PRKCI: variants seen among roughly 807,000 people sequenced by gnomAD.
PRKCI encodes the protein protein kinase C iota type.
Under a neutral mutation model 84.0 loss-of-function variants are expected in PRKCI, and 43 were observed. The observed-to-expected ratio is 0.51, with a 90% CI of 0.40 to 0.66. The LOEUF is 0.66. Among genes scored for constraint, PRKCI ranks in the 30% least tolerant of loss-of-function variants. The probability of loss-of-function intolerance (pLI) is 0.00; values close to 1 mark genes in which losing one functional copy is unlikely to be tolerated. For synonymous variants in PRKCI, 216 were observed against 234.4 expected (o/e 0.92, Z 0.72); for missense variants, 459 against 745.6 (o/e 0.62, Z 4.48).
chr3:170,300,932 G>A (rs1734804061), intron 17 of PRKCI, among the ~76,000 whole-genome samples: 1 of 152,076 alleles, frequency 6.6e-6, no homozygotes, highest in African/African-American at 2.4e-5. Context: ...GTCCCCTTGA[G>A]ACCAGGATGC....
chr3:170,236,906 A>G (rs1440263013), intron 2 of PRKCI, among the ~76,000 whole-genome samples: 14 of 152,032 alleles, frequency 9.2e-5, no homozygotes, highest in Admixed American at 8.5e-4. Flanking sequence ...AAAGAAGCAA[A>G]TATCTGTGTG....
At chr3:170,230,486 A>G (rs2108834940) in intron 1 of PRKCI, among the ~76,000 whole-genome samples, 1 of 152,270 alleles carries the variant, frequency 6.6e-6, no homozygotes, top group Non-Finnish European at 1.5e-5. Flanking sequence ...ATGCGCCACC[A>G]TGTCCGGCTA....
chr3:170,222,849 G>C (rs1475804408), intron 1 of PRKCI, 79 bp downstream of exon 1: 4 of 937,144 alleles, frequency 4.3e-6, no homozygotes, highest in Non-Finnish European at 6.2e-6. Flanking sequence ...AGGGTGAGGG[G>C]CTGGAGGTGT....
intron 4 of PRKCI, among the ~76,000 whole-genome samples, chr3:170,267,057 T>C (rs993573597): frequency 8.5e-5 from 13 of 152,086 alleles, no homozygotes; most frequent in African/African-American, 3.1e-4. Flanking sequence ...CTGGTTGATA[T>C]TGAATTAATG....
Position 170,303,171 on chromosome 3 carries a change from T to C in PRKCI, c.*44T>C, listed in dbSNP as rs766444327. 1 of 1,446,836 alleles carries C rather than the reference T, an allele frequency of 6.9e-7. No homozygotes were observed. The highest frequency in any genetic ancestry group is 1.2e-5 in the South Asian group (1 of 80,638). 89.6% of individuals were successfully genotyped at this position (1,446,836 alleles called of 1,614,324 possible). On this transcript the variant is annotated 3_prime_UTR_variant, in exon 18 of 18. Transcript: ENST00000295797. ...GTATTCTACTCATGTTGCCATTTAA[T>C]GCATGGATAAACTTGCTGCAAGCCT...
chr3:170,246,897 TTGTTTTTG>T (rs1351150661), intron 2 of PRKCI, among the ~76,000 whole-genome samples: 4 of 152,158 alleles, frequency 2.6e-5, no homozygotes, highest in Non-Finnish European at 5.9e-5. Context: ...TTGGTCACCT[TTGTTTTTG>T]TGTTTTTGAA....
intron 2 of PRKCI, among the ~76,000 whole-genome samples, chr3:170,255,994 A>G (rs1005041037): frequency 1.3e-5 from 2 of 152,050 alleles, no homozygotes; most frequent in African/African-American, 4.8e-5. Flanking sequence ...ATTGATTTGC[A>G]TGTGTTGAAC....
intron 17 of PRKCI, among the ~76,000 whole-genome samples, chr3:170,300,312 T>G (rs753911179): frequency 3.9e-5 from 6 of 152,202 alleles, no homozygotes; most frequent in Non-Finnish European, 8.8e-5. Context: ...ATCTCAGAAT[T>G]GCTTTCTAAC....
chr3:170,291,668 G>A lies in PRKCI; in HGVS notation c.1204-186G>A, dbSNP rs561415244. The stretch of plus-strand genomic sequence containing the variant: ...GCTGAGATCGTGCCACTGCATGCCA[G>A]CCTGGGCGACAGAGCAAGACCCTGT... On this transcript the variant is annotated intron_variant, in intron 12 of 17. Coordinates refer to ENST00000295797, the MANE Select transcript of PRKCI (RefSeq NM_002740.6). The A allele has an allele frequency of 6.0e-6, 3 of 501,996 alleles. No individual in the cohort carries two copies. The South Asian group carries it at 6.8e-5, about 11-fold the overall frequency. The allele number at this position is 501,996 out of a possible 1,614,324, so 31.1% of individuals were successfully genotyped here. A position where few individuals can be genotyped will look rare whatever the true frequency, so the allele number is the denominator to read the frequency against.
At chr3:170,232,129 C>CA (rs1732814278) in intron 1 of PRKCI, among the ~76,000 whole-genome samples, 1 of 152,096 alleles carries the variant, frequency 6.6e-6, no homozygotes, top group African/African-American at 2.4e-5. Context: ...CAGCTCACTG[C>CA]AGCCTTAACT....
Position 170,222,492 on chromosome 3 carries a change from G to C in PRKCI, c.-178G>C, listed in dbSNP as rs1577333558. On this transcript the variant is annotated 5_prime_UTR_variant, in exon 1 of 18. Transcript: ENST00000295797. ...GCGCCTACGGGCAGTGGGAGGAGCC[G>C]CGCGGTTCCGGCTGCTCCGGCGAGG... The C allele has an allele frequency of 2.0e-6, 1 of 500,788 alleles. No individual in the cohort carries two copies. Among genetic ancestry groups the C allele is most frequent in the Non-Finnish European group, 3.4e-6 (1 of 297,300 alleles). The allele number at this position is 500,788 out of a possible 1,614,324, so 31.0% of individuals were successfully genotyped here.
At chr3:170,270,711 T>C in intron 6 of PRKCI, 150 bp downstream of exon 6, 2 of 1,029,338 alleles carry the variant, frequency 1.9e-6, no homozygotes, top group Non-Finnish European at 1.3e-6. Flanking sequence ...ACGTTACTGT[T>C]AACACACCGT....
intron 1 of PRKCI, among the ~76,000 whole-genome samples, chr3:170,224,455 CTT>C (rs913163340): frequency 1.4e-5 from 2 of 142,038 alleles, no homozygotes; most frequent in Non-Finnish European, 1.5e-5. Flanking sequence ...GCTTCCTTTG[CTT>C]TTTTTTTTTT....
rs191153365 is a variant in PRKCI, at chr3:170,285,775, C to T, written c.1203+1179C>T. Among the ~76,000 whole-genome samples, 572 of 150,502 alleles carry T rather than the reference C, an allele frequency of 3.8e-3. 8 individuals carry two copies. In the East Asian group the frequency reaches 0.045, roughly 12 times the overall value. On this transcript the variant is annotated intron_variant, in intron 12 of 17. Coordinates refer to ENST00000295797, the MANE Select transcript of PRKCI (RefSeq NM_002740.6). ...TTTTTTTTTTTTGGAGACAGAGTCT[C>T]GCTCTGTCGTCCAGGCTGGAGTGCA...
intron 1 of PRKCI, among the ~76,000 whole-genome samples, chr3:170,224,835 A>G (rs1732588488): frequency 6.6e-6 from 1 of 152,188 alleles, no homozygotes; most frequent in Admixed American, 6.5e-5. Flanking sequence ...TAAGGCTTTC[A>G]ATAAATTCTT....
chr3:170,247,869 G>C (rs192757478), intron 2 of PRKCI, among the ~76,000 whole-genome samples: 90 of 152,160 alleles, frequency 5.9e-4, no homozygotes, highest in African/African-American at 2.1e-3. Context: ...TTGTTATTGG[G>C]CCTGATAGTG....
intron 12 of PRKCI, among the ~76,000 whole-genome samples, chr3:170,288,680 G>A (rs1371281063): frequency 1.3e-5 from 2 of 152,026 alleles, no homozygotes; most frequent in East Asian, 3.9e-4. Flanking sequence ...ACCTGGGGTG[G>A]GGTGGAGATT....
At chr3:170,271,026 A>G (rs934123582) in intron 6 of PRKCI, among the ~76,000 whole-genome samples, 1 of 151,522 alleles carries the variant, frequency 6.6e-6, no homozygotes, top group South Asian at 2.1e-4. Context: ...AAATATATAA[A>G]ACATGTTTGT....
intron 12 of PRKCI, among the ~76,000 whole-genome samples, chr3:170,288,194 C>T (rs1734447698): frequency 2.0e-5 from 3 of 150,756 alleles, no homozygotes; most frequent in African/African-American, 7.3e-5. Flanking sequence ...TGCAGTGACC[C>T]GAGATCGCGC....
Sources: gnomAD v4.1 joint callset for allele counts (sites outside exome capture counted in the v4.1 genomes callset) on GRCh38, gnomAD v4.1.1 for gene constraint, MANE v1.5 for transcripts, NCBI Gene and HGNC (gene_info 2026-07-23, HGNC 2026-07-21) for gene names.